The following PHC2 variants were observed in gnomAD, a reference collection of about 807,000 sequenced individuals.
The protein encoded by PHC2 is polyhomeotic-like protein 2.
A neutral mutation model predicts 87.4 loss-of-function variants in PHC2; 29 were observed. The ratio of observed to expected loss-of-function variants is 0.33; its 90% confidence interval spans 0.25 to 0.45. The LOEUF (loss-of-function observed/expected upper bound fraction) is 0.45. Among genes scored for constraint, PHC2 ranks in the 20% least tolerant of loss-of-function variants. The pLI is 1.00. For missense variants in PHC2, 857 were observed against 1,136.7 expected, an observed-to-expected ratio of 0.75 and a Z score of 3.54; for synonymous variants, 438 against 461.7, an observed-to-expected ratio of 0.95 and a Z score of 0.66.
intron 1 of PHC2, among the ~76,000 whole-genome samples, chr1:33,396,177 C>A (rs1193396980): frequency 6.6e-6 from 1 of 152,220 alleles, no homozygotes; most frequent in Admixed American, 6.5e-5. Flanking sequence ...CCCTGCTTCT[C>A]CTCCAGGGTT....
intron 1 of PHC2, among the ~76,000 whole-genome samples, chr1:33,380,994 C>T (rs1297343174): frequency 6.6e-6 from 1 of 152,170 alleles, no homozygotes; most frequent in Admixed American, 6.5e-5. Context: ...TCACGCTATT[C>T]CCCTCCCCTG....
At chr1:33,348,303 G>A (rs1269114252) in intron 9 of PHC2, among the ~76,000 whole-genome samples, 2 of 152,118 alleles carry the variant, frequency 1.3e-5, no homozygotes, top group African/African-American at 4.8e-5. Flanking sequence ...GGGGAGGTGG[G>A]AAGAAATACA....
At chr1:33,414,177 TCA>T (rs201845759) in intron 1 of PHC2, among the ~76,000 whole-genome samples, 25,448 of 142,524 alleles carry the variant, frequency 0.18, 2,159 homozygotes, top group Middle Eastern at 0.25. Context: ...TCTCTCTCTG[TCA>T]CACACACACA....
intron 1 of PHC2, among the ~76,000 whole-genome samples, chr1:33,428,226 C>T (rs1310294569): frequency 6.6e-6 from 1 of 152,148 alleles, no homozygotes; most frequent in African/African-American, 2.4e-5. Context: ...CATACTACAC[C>T]ACCACTCTCA....
intron 1 of PHC2, among the ~76,000 whole-genome samples, chr1:33,422,440 G>GA (rs1650468367): frequency 6.6e-6 from 1 of 152,192 alleles, no homozygotes; most frequent in African/African-American, 2.4e-5. Flanking sequence ...AACAAAGACA[G>GA]AAGGATACTA....
chr1:33,332,431 TGAG>T lies in PHC2; in HGVS notation c.1762-30_1762-28del. Reference sequence around the variant, plus strand: ...TAGAGGACAGGTAACACGGAGGCCGTGAGGGTCAGGTGGGAGCGGCTTCCTTGC... The same window carrying T: ...TAGAGGACAGGTAACACGGAGGCCGTGGTCAGGTGGGAGCGGCTTCCTTGC... On this transcript the variant is annotated intron_variant, in intron 10 of 14. Coordinates refer to ENST00000683057, the MANE Select transcript of PHC2 (RefSeq NM_001385109.1). This position sits in a 1 kb window ranked among gnomAD's most constrained non-coding sequence, Gnocchi z 4.2. The T allele has an allele frequency of 6.2e-7, 1 of 1,613,658 alleles. No homozygotes were observed. The highest frequency in any genetic ancestry group is 8.5e-7 in the Non-Finnish European group (1 of 1,179,846).
chr1:33,377,652 C>T (rs1023281476), intron 1 of PHC2, among the ~76,000 whole-genome samples: 4 of 151,848 alleles, frequency 2.6e-5, no homozygotes, highest in Non-Finnish European at 5.9e-5. Flanking sequence ...CACCCCATCA[C>T]ACACATTCAG....
intron 8 of PHC2, 109 bp from the exon 9 acceptor site, chr1:33,354,675 T>C: frequency 7.5e-7 from 1 of 1,333,564 alleles, no homozygotes; most frequent in South Asian, 1.5e-5. Context: ...ACCTTAAGAT[T>C]CAGTCATCCT....
At chr1:33,394,741 T>G (rs900888547) in intron 1 of PHC2, among the ~76,000 whole-genome samples, 5 of 152,148 alleles carry the variant, frequency 3.3e-5, no homozygotes, top group African/African-American at 9.7e-5. Flanking sequence ...AATTTTTTAT[T>G]TTTTATTTTG....
rs997073442 is a variant in PHC2 at position 33,368,213 on chromosome 1, AAGC to A, written c.663+320_663+322del. On this transcript the variant is annotated intron_variant, in intron 6 of 14. Coordinates refer to ENST00000683057, the MANE Select transcript of PHC2 (RefSeq NM_001385109.1). The surrounding 1 kb of genome is among the most constrained non-coding windows in gnomAD (Gnocchi z 6.6). ...ACCGGAGCGGGACTTTCCACTTATG[AAGC>A]AGCAGCAGCCAGACCAGCTATGCTG... Among the ~76,000 whole-genome samples the A allele has an allele frequency of 2.0e-5, 3 of 152,174 alleles. No individual in the cohort carries two copies. The highest frequency in any genetic ancestry group is 7.2e-5 in the African/African-American group (3 of 41,442).
chr1:33,407,684 AC>A (rs1430915573), intron 1 of PHC2, among the ~76,000 whole-genome samples: 5 of 152,200 alleles, frequency 3.3e-5, no homozygotes, highest in Non-Finnish European at 2.9e-5. Context: ...ACTCAGCCTG[AC>A]TACACAGATA....
intron 9 of PHC2, among the ~76,000 whole-genome samples, chr1:33,350,958 C>T (rs898045852): frequency 6.6e-6 from 1 of 152,210 alleles, no homozygotes; most frequent in African/African-American, 2.4e-5. Context: ...CCACACTTTC[C>T]TGCCTCCCTC....
intron 6 of PHC2, among the ~76,000 whole-genome samples, chr1:33,367,862 C>T (rs1443210645): frequency 6.6e-6 from 1 of 152,186 alleles, no homozygotes; most frequent in Admixed American, 6.5e-5. Flanking sequence ...GGAAGGCCAC[C>T]GGGCAAATAT....
chr1:33,357,807 A>G (rs1647120351), intron 7 of PHC2, among the ~76,000 whole-genome samples: 4 of 152,218 alleles, frequency 2.6e-5, no homozygotes, highest in Non-Finnish European at 5.9e-5. Flanking sequence ...ATGATCTGCA[A>G]ATGTTGGGCA....
intron 7 of PHC2, among the ~76,000 whole-genome samples, chr1:33,356,295 T>TATATATATATATATA (rs1647084160): frequency 9.6e-5 from 8 of 83,512 alleles, no homozygotes; most frequent in Non-Finnish European, 2.6e-4. Context: ...ATATATATAT[T>TATATATATATATATA]TATTTATTTA....
At chr1:33,429,387 A>G (rs187055644) in intron 1 of PHC2, among the ~76,000 whole-genome samples, 13 of 152,346 alleles carry the variant, frequency 8.5e-5, no homozygotes, top group Non-Finnish European at 1.6e-4. Flanking sequence ...TACAATAGAA[A>G]GCCATTCCCT....
intron 1 of PHC2, among the ~76,000 whole-genome samples, chr1:33,396,852 G>C (rs1336894822): frequency 6.6e-6 from 1 of 152,210 alleles, no homozygotes; most frequent in African/African-American, 2.4e-5. Flanking sequence ...ACTCTGAGCT[G>C]ACGGACAGCA....
intron 14 of PHC2, chr1:33,325,664 G>A (rs1646354089): frequency 3.0e-6 from 1 of 335,380 alleles, no homozygotes; most frequent in Non-Finnish European, 6.0e-6. Context: ...CTCATACCAG[G>A]ACTGCCCAGC....
At chr1:33,406,386 C>T (rs776346801) in intron 1 of PHC2, among the ~76,000 whole-genome samples, 7 of 152,068 alleles carry the variant, frequency 4.6e-5, no homozygotes, top group South Asian at 2.1e-4. Flanking sequence ...TTTCTCCAAT[C>T]GTGATATTGG....
Sources: gnomAD v4.1 joint callset for allele counts (sites outside exome capture counted in the v4.1 genomes callset) on GRCh38, gnomAD v4.1.1 for gene constraint, Gnocchi (gnomAD v3.1) non-coding constraint, MANE v1.5 for transcripts, NCBI Gene and HGNC (gene_info 2026-07-23, HGNC 2026-07-21) for gene names.